The following ZNF385D variants were observed in gnomAD, a reference collection of about 807,000 sequenced individuals.
ZNF385D encodes zinc finger protein 659.
Under a neutral mutation model 35.8 loss-of-function variants are expected in ZNF385D, and 15 were observed. The observed-to-expected ratio is 0.42, with a 90% confidence interval of 0.28 to 0.64. The LOEUF (loss-of-function observed/expected upper bound fraction) is 0.64. Among genes scored for constraint, ZNF385D ranks in the 30% least tolerant of loss-of-function variants. The pLI is 0.23. For missense variants in ZNF385D, 474 were observed against 494.6 expected, an observed-to-expected ratio of 0.96 and a Z score of 0.39; for synonymous variants, 212 against 186.8, an observed-to-expected ratio of 1.13 and a Z score of -1.10.
In ZNF385D at chr3:21,416,802, T is replaced by A. The variant is rs919194453; in HGVS notation, c.*4412A>T. 6.6e-6 allele frequency: 1 copy of A among 152,126 alleles called. No homozygotes were observed. The highest frequency in any genetic ancestry group is 1.5e-5 in the Non-Finnish European group (1 of 68,014). The allele number at this position is 152,126 out of a possible 1,614,324, so 9.4% of individuals were successfully genotyped here. On this transcript the variant is annotated 3_prime_UTR_variant, in exon 8 of 8. Transcript: ENST00000281523. ...AAATACATGCAAACGCAGGACAGAA[T>A]TAGTTATGGCTTAGTCGGGACCCCT...
Position 22,197,062 on chromosome 3 carries a change from A to C in ZNF385D, c.107-28027T>G, listed in dbSNP as rs144404423. On this transcript the variant is annotated intron_variant, in intron 2 of 5. Transcript: ENST00000494108. ...ATTTGGCTTCCAATTTTTCTGTTGA[A>C]AAGTCAGCTTTCACATAATTTTTCA... Among the ~76,000 whole-genome samples the C allele has an allele frequency of 1.6e-3, 237 of 152,190 alleles. 1 individual carries two copies. The highest frequency in any genetic ancestry group is 5.4e-3 in the African/African-American group (223 of 41,564).
At chr3:22,293,228 G>A (rs1559503091) in intron 2 of ZNF385D, among the ~76,000 whole-genome samples, 1 of 152,006 alleles carries the variant, frequency 6.6e-6, no homozygotes, top group Non-Finnish European at 1.5e-5. Flanking sequence ...TTACTTTGGA[G>A]AGCAAGCCCC....
chr3:22,165,757 G>A (rs1194930557), intron 3 of ZNF385D, among the ~76,000 whole-genome samples: 2 of 152,064 alleles, frequency 1.3e-5, no homozygotes, highest in Admixed American at 6.5e-5. Flanking sequence ...CAGCTTTATT[G>A]AAATTTGAAC....
chr3:21,569,508 C>G (rs1041083274), intron 2 of ZNF385D, among the ~76,000 whole-genome samples: 4 of 150,786 alleles, frequency 2.7e-5, no homozygotes, highest in Non-Finnish European at 4.4e-5. Context: ...GGTCTTGACT[C>G]TTTATCCAAT....
intron 2 of ZNF385D, among the ~76,000 whole-genome samples, chr3:22,262,484 T>C (rs1441615096): frequency 6.6e-6 from 1 of 151,938 alleles, no homozygotes; most frequent in Non-Finnish European, 1.5e-5. Flanking sequence ...AGAGAAAAAA[T>C]AGACACAAGT....
intron 3 of ZNF385D, among the ~76,000 whole-genome samples, chr3:21,860,665 A>G (rs985291013): frequency 6.6e-6 from 1 of 152,126 alleles, no homozygotes; most frequent in African/African-American, 2.4e-5. Flanking sequence ...AAATCCTTTC[A>G]ATAGTTTTCA....
At chr3:21,793,729 C>G (rs1012617525) in intron 3 of ZNF385D, among the ~76,000 whole-genome samples, 3 of 152,190 alleles carry the variant, frequency 2.0e-5, no homozygotes, top group Non-Finnish European at 2.9e-5. Context: ...GTGCTCGGGT[C>G]ACTCACTGCC....
intron 3 of ZNF385D, among the ~76,000 whole-genome samples, chr3:21,799,468 T>C (rs568919233): frequency 1.3e-5 from 2 of 152,204 alleles, no homozygotes; most frequent in African/African-American, 4.8e-5. Context: ...ATGGAGTATT[T>C]GTGGTTTCCG....
At chr3:22,021,063 G>A (rs562685252) in intron 3 of ZNF385D, among the ~76,000 whole-genome samples, 2 of 151,956 alleles carry the variant, frequency 1.3e-5, no homozygotes, top group African/African-American at 2.4e-5. Context: ...AGCTAAAAAT[G>A]TATACCCATG....
intron 3 of ZNF385D, among the ~76,000 whole-genome samples, chr3:21,954,661 T>C (rs983504438): frequency 1.3e-5 from 2 of 152,140 alleles, no homozygotes; most frequent in Non-Finnish European, 2.9e-5. Context: ...CATTAATATA[T>C]ATTAACTGAA....
At chr3:22,303,087 T>C (rs954118803) in intron 2 of ZNF385D, among the ~76,000 whole-genome samples, 1 of 152,200 alleles carries the variant, frequency 6.6e-6, no homozygotes, top group Non-Finnish European at 1.5e-5. Flanking sequence ...AATTATTTGA[T>C]GATTATCAAG....
intron 3 of ZNF385D, among the ~76,000 whole-genome samples, chr3:21,548,943 C>T (rs1219230634): frequency 6.6e-6 from 1 of 152,144 alleles, no homozygotes; most frequent in East Asian, 1.9e-4. Context: ...AAATAGACAT[C>T]ACTATGGTTT....
intron 2 of ZNF385D, among the ~76,000 whole-genome samples, chr3:21,607,755 G>A (rs141015108): frequency 6.6e-6 from 1 of 152,166 alleles, no homozygotes; most frequent in Non-Finnish European, 1.5e-5. Context: ...GCTAGTAAGA[G>A]AGACAGAGGA....
chr3:21,716,894 C>A (rs530841851), intron 1 of ZNF385D, among the ~76,000 whole-genome samples: 1 of 152,056 alleles, frequency 6.6e-6, no homozygotes, highest in Non-Finnish European at 1.5e-5. Context: ...GAGGCTGAGG[C>A]GGGTGGATCA....
chr3:22,147,321 A>G (rs1704924155), intron 3 of ZNF385D, among the ~76,000 whole-genome samples: 1 of 152,142 alleles, frequency 6.6e-6, no homozygotes, highest in Non-Finnish European at 1.5e-5. Context: ...GCCAGTTCCA[A>G]CGGTAGGCAT....
At chr3:21,598,301 A>C (rs1358419182) in intron 2 of ZNF385D, among the ~76,000 whole-genome samples, 1 of 152,188 alleles carries the variant, frequency 6.6e-6, no homozygotes, top group Admixed American at 6.5e-5. Flanking sequence ...TGTTTCAAAA[A>C]GGTAAGGATA....
chr3:22,147,372 C>T (rs745362637), intron 3 of ZNF385D, among the ~76,000 whole-genome samples: 5 of 152,086 alleles, frequency 3.3e-5, no homozygotes, highest in Admixed American at 6.6e-5. Context: ...CATATGCTTT[C>T]GGGCCATGGG....
chr3:22,233,281 T>C (rs186446257), intron 2 of ZNF385D, among the ~76,000 whole-genome samples: 1 of 152,138 alleles, frequency 6.6e-6, no homozygotes, highest in African/African-American at 2.4e-5. Flanking sequence ...TACAACAACA[T>C]AATCTCAAAA....
chr3:21,766,262 G>T (rs978385187), intron 3 of ZNF385D, among the ~76,000 whole-genome samples: 1 of 152,072 alleles, frequency 6.6e-6, no homozygotes, highest in Non-Finnish European at 1.5e-5. Flanking sequence ...AAAGATGAGA[G>T]TAATGTATTC....
Sources: allele counts gnomAD v4.1 joint callset (sites outside exome capture counted in the v4.1 genomes callset), GRCh38; gene constraint gnomAD v4.1.1; transcripts MANE v1.5; gene names NCBI Gene and HGNC (gene_info 2026-07-23, HGNC 2026-07-21).